LRRC1: variants seen among roughly 807,000 people sequenced by gnomAD.
LRRC1 encodes leucine-rich repeat-containing protein 1.
Under a neutral mutation model 69.9 loss-of-function variants are expected in LRRC1, and 28 were observed. The observed-to-expected ratio is 0.40, with a 90% CI of 0.30 to 0.55. The LOEUF (loss-of-function observed/expected upper bound fraction) is 0.55, where lower values mean the gene tolerates loss of function less well. Among genes scored for constraint, LRRC1 ranks in the 20% least tolerant of loss-of-function variants. The pLI is 0.47. For synonymous variants in LRRC1, 236 were observed against 240.2 expected (o/e 0.98, Z 0.16); for missense variants, 498 against 609.0 (o/e 0.82, Z 1.92).
intron 2 of LRRC1, among the ~76,000 whole-genome samples, chr6:53,843,168 TA>T (rs1170606006): frequency 6.6e-6 from 1 of 152,244 alleles, no homozygotes; most frequent in Admixed American, 6.5e-5. Context: ...AATTATTTAT[TA>T]AAAAGGTAAT....
At chr6:53,849,528 C>T (rs1021058891) in intron 2 of LRRC1, among the ~76,000 whole-genome samples, 1 of 152,182 alleles carries the variant, frequency 6.6e-6, no homozygotes, top group South Asian at 2.1e-4. Context: ...GGTGCTGAGG[C>T]TCCAGGCAGC....
intron 4 of LRRC1, among the ~76,000 whole-genome samples, chr6:53,894,958 G>T (rs1767820494): frequency 6.7e-6 from 1 of 149,422 alleles, no homozygotes; most frequent in South Asian, 2.1e-4. Flanking sequence ...TTGAGATGGA[G>T]TCTCGCTCTG....
At chr6:53,886,518 C>T (rs1333615453) in intron 4 of LRRC1, among the ~76,000 whole-genome samples, 1 of 152,180 alleles carries the variant, frequency 6.6e-6, no homozygotes, top group Non-Finnish European at 1.5e-5. Context: ...AGTTCAAAGA[C>T]AATCATGAAT....
intron 1 of LRRC1, among the ~76,000 whole-genome samples, chr6:53,833,718 TC>T (rs939258512): frequency 6.6e-6 from 1 of 152,114 alleles, no homozygotes. Context: ...AGGCCTTTTT[TC>T]CCCCTGTGAT....
In LRRC1 at chr6:53,826,292, G is replaced by T. The variant is rs964229915; in HGVS notation, c.160-15818G>T. 2.7e-5 allele frequency among the ~76,000 whole-genome samples: 4 copies of T among 150,388 alleles called. No homozygotes were observed. In the East Asian group the frequency reaches 7.8e-4, roughly 29 times the overall value. The stretch of plus-strand genomic sequence containing the variant: ...TTTAATTTTAACCCAAAGAGGCCAT[G>T]CCTTCTTACAACCTAGAGCCTAATT... On this transcript the variant is annotated intron_variant, in intron 1 of 13. Transcript: ENST00000370888.
intron 2 of LRRC1, among the ~76,000 whole-genome samples, chr6:53,853,401 C>T (rs1390744549): frequency 6.6e-6 from 1 of 151,540 alleles, no homozygotes; most frequent in African/African-American, 2.4e-5. Context: ...TCTCCTGCCT[C>T]AGCCTCCTGA....
chr6:53,919,445 T>C lies in LRRC1; in HGVS notation c.1107-53T>C, dbSNP rs1052659930. On this transcript the variant is annotated intron_variant, in intron 11 of 13. Transcript: ENST00000370888. ...TTTTGTTGATAGGGATTGATTTGATTACAAAATTTGAGGTTGTGATGTCTC... is the reference window on the plus strand; with the variant it reads ...TTTTGTTGATAGGGATTGATTTGATCACAAAATTTGAGGTTGTGATGTCTC... 5.0e-5 allele frequency: 69 copies of C among 1,378,340 alleles called. No individual in the cohort carries two copies. The African/African-American group carries it at 9.8e-4, about 19-fold the overall frequency. 85.4% of individuals were successfully genotyped at this position (1,378,340 alleles called of 1,614,324 possible).
intron 2 of LRRC1, among the ~76,000 whole-genome samples, chr6:53,846,859 G>A (rs1290408315): frequency 6.6e-6 from 1 of 152,222 alleles, no homozygotes; most frequent in African/African-American, 2.4e-5. Flanking sequence ...CTCTGATTAT[G>A]TGAGAAGTGG....
chr6:53,916,326 G>A (rs1768564140), intron 11 of LRRC1, among the ~76,000 whole-genome samples: 1 of 152,080 alleles, frequency 6.6e-6, no homozygotes, highest in African/African-American at 2.4e-5. Flanking sequence ...TTTGTACTTT[G>A]TATGTATCTA....
intron 1 of LRRC1, among the ~76,000 whole-genome samples, chr6:53,819,085 C>A (rs1449780661): frequency 6.6e-6 from 1 of 152,124 alleles, no homozygotes; most frequent in Non-Finnish European, 1.5e-5. Flanking sequence ...TGAGTTAAAG[C>A]TCTATGGGAT....
intron 1 of LRRC1, among the ~76,000 whole-genome samples, chr6:53,808,120 T>G (rs1173579866): frequency 1.3e-5 from 2 of 152,210 alleles, no homozygotes; most frequent in Non-Finnish European, 2.9e-5. Flanking sequence ...TCACTCTGCC[T>G]GCTGATTAGA....
intron 11 of LRRC1, chr6:53,919,031 C>T (rs559447169): frequency 1.9e-4 from 29 of 152,536 alleles, no homozygotes; most frequent in African/African-American, 6.7e-4. Context: ...CAGGCACCTC[C>T]TTCCTCTTGG....
rs374532544 is a variant in LRRC1 at position 53,880,555 on chromosome 6, A to G, written c.356+1484A>G. 3.9e-5 allele frequency among the ~76,000 whole-genome samples: 6 copies of G among 152,246 alleles called. No homozygotes were observed. In the East Asian group the frequency reaches 7.7e-4, roughly 20 times the overall value. On this transcript the variant is annotated intron_variant, in intron 3 of 13. Coordinates refer to ENST00000370888, the MANE Select transcript of LRRC1 (RefSeq NM_018214.5). ...AACATAAAGTGCTTCTAGTTAGCTCATTTCATGCCTCTGTCTTCTTGAGAG... is the reference window on the plus strand; with the variant it reads ...AACATAAAGTGCTTCTAGTTAGCTCGTTTCATGCCTCTGTCTTCTTGAGAG...
At position 53,923,401 on chromosome 6, in the gene LRRC1, C is replaced by G. The variant is rs1395853160; in HGVS notation, c.*608C>G. On this transcript the variant is annotated 3_prime_UTR_variant, in exon 14 of 14. Transcript: ENST00000370888. ...ACCATCCACTTGTGCCTTACTGTAT[C>G]CTGTGTCATGTCCAATCAGTTGTAA... 6.6e-6 allele frequency: 1 copy of G among 152,562 alleles called. No individual in the cohort carries two copies. The highest frequency in any genetic ancestry group is 1.9e-4 in the East Asian group (1 of 5,196). The allele number at this position is 152,562 out of a possible 1,614,324, so 9.5% of individuals were successfully genotyped here.
intron 1 of LRRC1, among the ~76,000 whole-genome samples, chr6:53,798,669 A>AT (rs1372736998): frequency 6.6e-6 from 1 of 152,178 alleles, no homozygotes; most frequent in Non-Finnish European, 1.5e-5. Context: ...GTGAGCCACC[A>AT]TGCCCGGCCT....
At chr6:53,846,430 G>A (rs1415377461) in intron 2 of LRRC1, among the ~76,000 whole-genome samples, 1 of 152,198 alleles carries the variant, frequency 6.6e-6, no homozygotes, top group African/African-American at 2.4e-5. Flanking sequence ...CTGGCTCGGA[G>A]CCCTGGCTCT....
chr6:53,818,519 T>C (rs1367235558), intron 1 of LRRC1, among the ~76,000 whole-genome samples: 1 of 152,228 alleles, frequency 6.6e-6, no homozygotes, highest in Non-Finnish European at 1.5e-5. Flanking sequence ...AATAAAGTTT[T>C]ATTATTTGTC....
chr6:53,920,535 A>C, intron 12 of LRRC1, 90 bp from the exon 13 acceptor site: 2 of 1,479,358 alleles, frequency 1.4e-6, no homozygotes, highest in Non-Finnish European at 1.9e-6. Flanking sequence ...GGTCCTCCGT[A>C]TAGATTCTAC....
chr6:53,915,654 C>CCAGTT (rs1256766131), intron 11 of LRRC1, among the ~76,000 whole-genome samples: 3 of 152,132 alleles, frequency 2.0e-5, no homozygotes, highest in African/African-American at 7.2e-5. Context: ...GCCCATTTCT[C>CCAGTT]CAGTTCTCAG....
Sources: allele counts gnomAD v4.1 joint callset (sites outside exome capture counted in the v4.1 genomes callset), GRCh38; gene constraint gnomAD v4.1.1; transcripts MANE v1.5; gene names NCBI Gene and HGNC (gene_info 2026-07-23, HGNC 2026-07-21).